RHOT1: variants seen among roughly 807,000 people sequenced by gnomAD.
RHOT1 encodes the protein ras homolog family member T1.
A neutral mutation model predicts 95.3 loss-of-function variants in RHOT1; 27 were observed. That is an observed-to-expected ratio of 0.28 (90% CI 0.21 to 0.39). The LOEUF (loss-of-function observed/expected upper bound fraction) is 0.39. RHOT1 is among the 10% of genes least tolerant of loss of function. RHOT1 has a pLI of 1.00. For missense variants in RHOT1, 578 were observed against 786.7 expected (o/e 0.73, Z 3.17); for synonymous variants, 227 against 263.5 (o/e 0.86, Z 1.34).
chr17:32,183,744 T>A (rs770959325), intron 8 of RHOT1, among the ~76,000 whole-genome samples: 1 of 152,222 alleles, frequency 6.6e-6, no homozygotes. Flanking sequence ...AGTGGCACGA[T>A]CTCGATCTCG....
intron 19 of RHOT1, among the ~76,000 whole-genome samples, chr17:32,215,006 A>T (rs1312445273): frequency 2.1e-5 from 3 of 142,360 alleles, no homozygotes; most frequent in African/African-American, 8.1e-5. Flanking sequence ...TCCCAGGTTC[A>T]AGTGATTCTC....
intron 1 of RHOT1, among the ~76,000 whole-genome samples, chr17:32,158,964 T>C (rs983485794): frequency 2.6e-5 from 4 of 151,884 alleles, no homozygotes; most frequent in Non-Finnish European, 5.9e-5. Flanking sequence ...GGAGCAGCAG[T>C]GGTGGTGGTG....
chr17:32,201,759 T>G (rs1160232644), intron 14 of RHOT1, among the ~76,000 whole-genome samples: 2 of 152,228 alleles, frequency 1.3e-5, no homozygotes, highest in African/African-American at 4.8e-5. Flanking sequence ...TTAAATAATG[T>G]TTCACAATAT....
intron 1 of RHOT1, among the ~76,000 whole-genome samples, chr17:32,152,907 G>A (rs761928932): frequency 3.9e-5 from 6 of 151,910 alleles, no homozygotes; most frequent in Non-Finnish European, 5.9e-5. Flanking sequence ...GGGCTCAGGT[G>A]ATTCTCCCAT....
At chr17:32,151,023 G>C (rs1190526036) in intron 1 of RHOT1, 12 of 1,458,992 alleles carry the variant, frequency 8.2e-6, no homozygotes, top group Middle Eastern at 1.8e-4. Context: ...ACCTGGGAGT[G>C]GGGGAAGAGG....
intron 19 of RHOT1, among the ~76,000 whole-genome samples, chr17:32,213,088 A>ATT (rs1303372560): frequency 5.9e-5 from 9 of 152,178 alleles, no homozygotes; most frequent in Admixed American, 1.3e-4. Flanking sequence ...GTTGACATAT[A>ATT]TTGTCTTGGG....
intron 1 of RHOT1, among the ~76,000 whole-genome samples, chr17:32,152,550 CT>C (rs1193224021): frequency 6.6e-6 from 1 of 151,660 alleles, no homozygotes; most frequent in Non-Finnish European, 1.5e-5. Flanking sequence ...CATTTGTTTC[CT>C]CTTATAAAGC....
At chr17:32,148,466 T>C (rs1030349772) in intron 1 of RHOT1, among the ~76,000 whole-genome samples, 4 of 152,238 alleles carry the variant, frequency 2.6e-5, no homozygotes, top group African/African-American at 9.6e-5. Context: ...TATTCTCTGC[T>C]GTCCTTTATT....
At chr17:32,192,619 A>G (rs1265782046) in intron 9 of RHOT1, among the ~76,000 whole-genome samples, 2 of 149,700 alleles carry the variant, frequency 1.3e-5, no homozygotes, top group Non-Finnish European at 3.0e-5. Flanking sequence ...TAGAAACAGG[A>G]TGGAGGGAGT....
In RHOT1 at chr17:32,152,330, G is replaced by A. The variant is rs1021509803; in HGVS notation, c.37+9601G>A. ...AGCCAGAACTGACCTTCAGACTAAT[G>A]AGCAGAGCTGTGAAGAAATCTGAAG... On this transcript the variant is annotated intron_variant, in intron 1 of 19. Coordinates refer to ENST00000545287, the MANE Select transcript of RHOT1 (RefSeq NM_001033566.3). Among the ~76,000 whole-genome samples the A allele has an allele frequency of 3.9e-5, 6 of 152,216 alleles. No homozygotes were observed. In the East Asian group the frequency reaches 7.7e-4, roughly 19 times the overall value.
At chr17:32,149,635 A>ATATATATATATATATGTGTG (rs1445281403) in intron 1 of RHOT1, among the ~76,000 whole-genome samples, 3 of 59,094 alleles carry the variant, frequency 5.1e-5, no homozygotes, top group Non-Finnish European at 6.8e-5. Context: ...ATATATATAT[A>ATATATATATATATATGTGTG]TGTGTGTGTG....
intron 1 of RHOT1, among the ~76,000 whole-genome samples, chr17:32,143,481 G>A (rs552808427): frequency 6.6e-6 from 1 of 152,302 alleles, no homozygotes; most frequent in African/African-American, 2.4e-5. Flanking sequence ...TTACCCTAAA[G>A]CGTAATCTTT....
intron 8 of RHOT1, among the ~76,000 whole-genome samples, chr17:32,185,731 TA>T (rs1319923348): frequency 2.9e-5 from 4 of 140,094 alleles, no homozygotes; most frequent in African/African-American, 8.9e-5. Flanking sequence ...TTTTTTTTTT[TA>T]AATTTAGAGA....
chr17:32,215,114 G>A (rs574196969), intron 19 of RHOT1, among the ~76,000 whole-genome samples: 43 of 151,758 alleles, frequency 2.8e-4, no homozygotes, highest in Admixed American at 2.2e-3. Context: ...AACTGGTCTC[G>A]AACTCCTGAC....
chr17:32,166,359 C>G (rs2034087936), intron 1 of RHOT1, among the ~76,000 whole-genome samples: 1 of 152,090 alleles, frequency 6.6e-6, no homozygotes, highest in Non-Finnish European at 1.5e-5. Context: ...GAGAGTCTTG[C>G]CTCAGGGTTG....
intron 19 of RHOT1, among the ~76,000 whole-genome samples, chr17:32,215,819 G>A (rs2038438221): frequency 1.3e-5 from 2 of 152,102 alleles, no homozygotes; most frequent in Admixed American, 1.3e-4. Context: ...TATCTCACAT[G>A]TAATCTTTCT....
At chr17:32,154,189 C>A (rs1056539136) in intron 1 of RHOT1, among the ~76,000 whole-genome samples, 1 of 151,390 alleles carries the variant, frequency 6.6e-6, no homozygotes, top group African/African-American at 2.4e-5. Flanking sequence ...TGCCTGTAAC[C>A]CCAGCACTTG....
intron 19 of RHOT1, among the ~76,000 whole-genome samples, chr17:32,218,589 T>C (rs2038635299): frequency 6.6e-6 from 1 of 151,708 alleles, no homozygotes; most frequent in African/African-American, 2.4e-5. Flanking sequence ...AGTAGGATTC[T>C]GTAAGCCCAG....
chr17:32,202,898 A>G lies in RHOT1; in HGVS notation c.1330A>G (p.Met444Val), dbSNP rs1191947694. Residue 444 changes from methionine to valine, a missense_variant and splice_region_variant, in exon 15 of 20, where the codon ATG becomes GTG. Met to Val is a conservative substitution (Grantham distance 21). Transcript: ENST00000545287. ...VLQALLGRNL[M>V]RQKKIREDHK... ...TCAGGCTCTTCTTGGAAGAAACTTA[A>G]TGGTGAGAGTTCTCGTAAAATACAA... The G allele has an allele frequency of 1.9e-6, 3 of 1,609,694 alleles. No individual in the cohort carries two copies. The highest frequency in any genetic ancestry group is 2.5e-6 in the Non-Finnish European group (3 of 1,179,020).
Sources: gnomAD v4.1 joint callset for allele counts (sites outside exome capture counted in the v4.1 genomes callset) on GRCh38, gnomAD v4.1.1 for gene constraint, MANE v1.5 for transcripts, NCBI Gene and HGNC (gene_info 2026-07-23, HGNC 2026-07-21) for gene names.